The following PRKCQ variants were observed in gnomAD, a reference collection of about 807,000 sequenced individuals.
PRKCQ encodes the protein protein kinase C theta.
PRKCQ carries 41 observed loss-of-function variants against 91.2 expected under a neutral mutation model. That is an observed-to-expected ratio of 0.45 (90% CI 0.35 to 0.58). The LOEUF (loss-of-function observed/expected upper bound fraction) is 0.58. PRKCQ is among the 20% of genes least tolerant of loss of function. PRKCQ has a pLI of 0.00. For missense variants in PRKCQ, 673 were observed against 896.5 expected (o/e 0.75, Z 3.18); for synonymous variants, 307 against 316.9 (o/e 0.97, Z 0.33).
chr10:6,569,628 G>C (rs574437597), intron 1 of PRKCQ, among the ~76,000 whole-genome samples: 13 of 152,270 alleles, frequency 8.5e-5, no homozygotes, highest in South Asian at 4.1e-4. Flanking sequence ...CCTGTAATTA[G>C]AGCAGAGGTG....
chr10:6,468,804 A>T (rs774000406), intron 12 of PRKCQ, among the ~76,000 whole-genome samples: 7 of 152,240 alleles, frequency 4.6e-5, no homozygotes, highest in African/African-American at 7.2e-5. Context: ...AAGGACACGT[A>T]ACAAATGTTA....
chr10:6,474,902 G>A (rs149899280), intron 12 of PRKCQ, among the ~76,000 whole-genome samples: 121 of 152,238 alleles, frequency 7.9e-4, no homozygotes, highest in African/African-American at 2.6e-3. Context: ...ACTGAAGGGG[G>A]TACTGAGAAG....
intron 1 of PRKCQ, among the ~76,000 whole-genome samples, chr10:6,563,112 C>A (rs543623448): frequency 1.3e-4 from 20 of 152,040 alleles, no homozygotes; most frequent in Admixed American, 1.1e-3. Context: ...TAGATCCCAG[C>A]GCACAGTTTC....
the PRKCQ span, among the ~76,000 whole-genome samples, chr10:6,404,548 T>C: frequency 2.1e-5 from 3 of 141,494 alleles, no homozygotes; most frequent in South Asian, 7.5e-4. Context: ...CTTCCTTCCT[T>C]ACTTCCATCC....
Position 6,477,817 on chromosome 10 carries a change from G to A in PRKCQ, c.1353+1175C>T, listed in dbSNP as rs543847290. On this transcript the variant is annotated intron_variant, in intron 12 of 17. Coordinates refer to ENST00000263125, the MANE Select transcript of PRKCQ (RefSeq NM_006257.5). ...CGGGAGGCGGAGGTTGCAGTGAGCT[G>A]AGATCACACCATTGCACTCCAGCCT... 1.2e-4 allele frequency among the ~76,000 whole-genome samples: 19 copies of A among 152,312 alleles called. No individual in the cohort carries two copies. The South Asian group carries it at 3.7e-3, about 30-fold the overall frequency.
rs545236127 is a variant in PRKCQ at position 6,572,157 on chromosome 10, C to T, written c.-10+8054G>A. Among the ~76,000 whole-genome samples, 14 of 152,294 alleles carry T rather than the reference C, an allele frequency of 9.2e-5. No homozygotes were observed. In the South Asian group the frequency reaches 2.7e-3, roughly 29 times the overall value. ...CTCCCTCTTCCTTCTAGCCCCTGAG[C>T]TCATCTGATTCTATGACTTAAAGGA... On this transcript the variant is annotated intron_variant, in intron 1 of 17. Transcript: ENST00000263125.
In PRKCQ at chr10:6,532,098, G is replaced by T. The variant is rs373113484; in HGVS notation, c.-9-16954C>A. Among the ~76,000 whole-genome samples the T allele has an allele frequency of 2.6e-5, 4 of 152,136 alleles. No individual in the cohort carries two copies. In the South Asian group the frequency reaches 8.3e-4, roughly 32 times the overall value. On this transcript the variant is annotated intron_variant, in intron 1 of 17. Coordinates refer to ENST00000263125, the MANE Select transcript of PRKCQ (RefSeq NM_006257.5). ...ACAGAGTATTAATATTACATATGCC[G>T]AAGGATTGTTTAATCGGCCAGATGT...
In PRKCQ at chr10:6,483,579, T is replaced by G; in HGVS notation, c.1040A>C (p.Glu347Ala). The G allele has an allele frequency of 6.2e-7, 1 of 1,614,218 alleles. No homozygotes were observed. Among genetic ancestry groups the G allele is most frequent in the Non-Finnish European group, 8.5e-7 (1 of 1,180,030 alleles). The change falls in exon 11 of 18, where the codon GAG (glutamate) becomes GCG (alanine). Residue 347 changes from glutamate to alanine, a missense_variant. Physicochemically the swap from Glu to Ala is moderately radical, Grantham distance 107 (BLOSUM62 -1). Coordinates refer to ENST00000263125, the MANE Select transcript of PRKCQ (RefSeq NM_006257.5). ...GKREPQGISW[E>A]SPLDEVDKMC... Reference sequence around the variant, plus strand: ...TTTATCCACCTCATCCAACGGAGACTCCCAGGAAATGCCCTGAGGCTCTGA... The same window carrying G: ...TTTATCCACCTCATCCAACGGAGACGCCCAGGAAATGCCCTGAGGCTCTGA...
At chr10:6,479,538 C>T (rs1943621605) in intron 11 of PRKCQ, among the ~76,000 whole-genome samples, 1 of 152,064 alleles carries the variant, frequency 6.6e-6, no homozygotes, top group African/African-American at 2.4e-5. Context: ...GTACTCGAAA[C>T]ATCACTGCAA....
chr10:6,489,526 C>T (rs41284445), intron 8 of PRKCQ: 8,768 of 503,372 alleles, frequency 0.017, 236 homozygotes, highest in East Asian at 0.029. Context: ...AGACGACGGC[C>T]TGCAAGGAGG....
At chr10:6,577,381 TCTTC>T (rs1322773382) in intron 1 of PRKCQ, among the ~76,000 whole-genome samples, 1 of 152,248 alleles carries the variant, frequency 6.6e-6, no homozygotes, top group African/African-American at 2.4e-5. Context: ...TCTCATGACT[TCTTC>T]CTTAACAATT....
At chr10:6,546,315 GCCTCACTCCACACA>G (rs1172780711) in intron 1 of PRKCQ, among the ~76,000 whole-genome samples, 1 of 152,186 alleles carries the variant, frequency 6.6e-6, no homozygotes, top group Non-Finnish European at 1.5e-5. Context: ...AGTCAGGACT[GCCTCACTCCACACA>G]CCATCCAGGT....
chr10:6,537,737 A>C (rs1213082743), intron 1 of PRKCQ, among the ~76,000 whole-genome samples: 1 of 152,206 alleles, frequency 6.6e-6, no homozygotes, highest in Non-Finnish European at 1.5e-5. Context: ...GATCTTATTC[A>C]TCTGACACTT....
chr10:6,406,171 C>T, the PRKCQ span, among the ~76,000 whole-genome samples: 3 of 148,338 alleles, frequency 2.0e-5, no homozygotes, highest in African/African-American at 7.3e-5. Context: ...TTAAAATATA[C>T]AACATTTTAG....
chr10:6,566,709 C>T (rs1472590254), intron 1 of PRKCQ, among the ~76,000 whole-genome samples: 2 of 151,994 alleles, frequency 1.3e-5, no homozygotes, highest in Middle Eastern at 3.2e-3. Flanking sequence ...TGCAAGAAAA[C>T]AGAAGAACAG....
chr10:6,440,368 G>C (rs1327268598), intron 16 of PRKCQ, among the ~76,000 whole-genome samples: 1 of 152,198 alleles, frequency 6.6e-6, no homozygotes, highest in Admixed American at 6.5e-5. Flanking sequence ...TGTATCTCAA[G>C]GGTTTCAGCC....
upstream of PRKCQ, chr10:6,580,300 G>A (rs1437384785): frequency 6.8e-6 from 1 of 147,016 alleles, no homozygotes; most frequent in African/African-American, 2.5e-5. Context: ...CGGGGCTGGC[G>A]GGGCTGGCGG....
chr10:6,523,844 T>C (rs1359650591), intron 1 of PRKCQ, among the ~76,000 whole-genome samples: 2 of 152,214 alleles, frequency 1.3e-5, no homozygotes, highest in Admixed American at 1.3e-4. Flanking sequence ...TCTTAACCTG[T>C]TATTTAAAAG....
At chr10:6,421,440 G>C in the PRKCQ span, among the ~76,000 whole-genome samples, 1 of 152,180 alleles carries the variant, frequency 6.6e-6, no homozygotes, top group East Asian at 1.9e-4. This position sits in a 1 kb window ranked among gnomAD's most constrained non-coding sequence, Gnocchi z 4.1. Flanking sequence ...AGCTGTATTT[G>C]TGCCAATACA....
Sources: gnomAD v4.1 joint callset for allele counts (sites outside exome capture counted in the v4.1 genomes callset) on GRCh38, gnomAD v4.1.1 for gene constraint, Gnocchi (gnomAD v3.1) non-coding constraint, MANE v1.5 for transcripts, NCBI Gene and HGNC (gene_info 2026-07-23, HGNC 2026-07-21) for gene names.